CRB1: variants seen among roughly 807,000 people sequenced by gnomAD.
CRB1 encodes the protein crumbs cell polarity complex component 1.
A neutral mutation model predicts 120.0 loss-of-function variants in CRB1; 83 were observed. The ratio of observed to expected loss-of-function variants is 0.69; its 90% CI spans 0.58 to 0.83. CRB1 has a LOEUF of 0.83. Among genes scored for constraint, CRB1 ranks in the 40% least tolerant of loss-of-function variants. The pLI, the probability that CRB1 is intolerant of heterozygous loss-of-function variation, is 0.00. For synonymous variants in CRB1, 625 were observed against 612.5 expected, an observed-to-expected ratio of 1.02 and a Z score of -0.30; for missense variants, 1,699 against 1,687.6, an observed-to-expected ratio of 1.01 and a Z score of -0.12.
intron 11 of CRB1, among the ~76,000 whole-genome samples, chr1:197,453,850 T>C (rs1279464331): frequency 2.8e-5 from 4 of 142,186 alleles, no homozygotes; most frequent in East Asian, 4.0e-4. Context: ...TCAATATTAT[T>C]ATTAATATAT....
chr1:197,368,531 T>G (rs2125377562), intron 5 of CRB1, among the ~76,000 whole-genome samples: 1 of 152,326 alleles, frequency 6.6e-6, no homozygotes, highest in East Asian at 1.9e-4. Flanking sequence ...TGATTTTTGT[T>G]GATTGCTTAC....
chr1:197,376,195 GA>G (rs950415154), intron 5 of CRB1, among the ~76,000 whole-genome samples: 5 of 152,112 alleles, frequency 3.3e-5, no homozygotes, highest in Admixed American at 3.3e-4. Context: ...TCACCCCTTG[GA>G]AAATCTCATG....
chr1:197,344,740 T>C (rs1659672385), intron 3 of CRB1, among the ~76,000 whole-genome samples: 1 of 152,142 alleles, frequency 6.6e-6, no homozygotes, highest in Admixed American at 6.5e-5. Flanking sequence ...TTCAATTCCA[T>C]GAAATAAAGC....
chr1:197,289,560 G>A (rs1426547557), intron 1 of CRB1, among the ~76,000 whole-genome samples: 2 of 151,658 alleles, frequency 1.3e-5, no homozygotes, highest in Admixed American at 6.6e-5. Context: ...TCGTGGGTTT[G>A]GGGAAAATTT....
chr1:197,461,228 C>A (rs1019957863), intron 11 of CRB1, among the ~76,000 whole-genome samples: 1 of 152,156 alleles, frequency 6.6e-6, no homozygotes, highest in African/African-American at 2.4e-5. Flanking sequence ...TTGAGCTTCA[C>A]ATTCACATTG....
chr1:197,338,769 TTAAA>T (rs1444323565), intron 2 of CRB1, among the ~76,000 whole-genome samples: 7 of 152,176 alleles, frequency 4.6e-5, no homozygotes, highest in South Asian at 2.1e-4. Flanking sequence ...AATCAAATAG[TTAAA>T]TAAAATAATG....
chr1:197,429,002 C>T lies in CRB1; in HGVS notation c.2677-447C>T, dbSNP rs540816258. On this transcript the variant is annotated intron_variant, in intron 7 of 11. Transcript: ENST00000367400. Reference sequence around the variant, plus strand: ...CAGACCAATGTGGGAAGGGCACTCACTGAGTTGGGATCCAGAGGACCTAAG... The same window carrying T: ...CAGACCAATGTGGGAAGGGCACTCATTGAGTTGGGATCCAGAGGACCTAAG... 1.0e-5 allele frequency: 16 copies of T among 1,526,604 alleles called. No homozygotes were observed. In the African/African-American group the frequency reaches 2.1e-4, roughly 20 times the overall value. 94.6% of individuals were successfully genotyped at this position (1,526,604 alleles called of 1,614,324 possible).
At chr1:197,423,833 T>A (rs72740564) in intron 6 of CRB1, among the ~76,000 whole-genome samples, 1 of 152,214 alleles carries the variant, frequency 6.6e-6, no homozygotes, top group Admixed American at 6.5e-5. Context: ...TGATTTCCAA[T>A]GTATCAAGGT....
At chr1:197,307,360 A>G (rs1262399396) in intron 1 of CRB1, among the ~76,000 whole-genome samples, 1 of 152,220 alleles carries the variant, frequency 6.6e-6, no homozygotes, top group Non-Finnish European at 1.5e-5. Context: ...AAAGGGGTTT[A>G]CATATGAAAT....
chr1:197,462,907 C>A (rs1318330981), intron 11 of CRB1, among the ~76,000 whole-genome samples: 1 of 150,956 alleles, frequency 6.6e-6, no homozygotes, highest in Non-Finnish European at 1.5e-5. Flanking sequence ...TTTTCTTCAC[C>A]ATTAATATTT....
chr1:197,395,978 T>C (rs1662749446), intron 5 of CRB1, among the ~76,000 whole-genome samples: 1 of 152,150 alleles, frequency 6.6e-6, no homozygotes, highest in African/African-American at 2.4e-5. Flanking sequence ...TACATTGTAT[T>C]GGTGATCCTG....
chr1:197,472,592 G>T (rs1027510542), intron 11 of CRB1, among the ~76,000 whole-genome samples: 1 of 151,916 alleles, frequency 6.6e-6, no homozygotes, highest in Non-Finnish European at 1.5e-5. Context: ...TGCTGTCATC[G>T]GCCCTAAATA....
At position 197,478,230 on chromosome 1, in the gene CRB1, T is replaced by A. The variant is rs1667286080; in HGVS notation, c.*351T>A. 3.1e-6 allele frequency: 1 copy of A among 324,878 alleles called. No homozygotes were observed. Among genetic ancestry groups the A allele is most frequent in the Admixed American group, 4.6e-5 (1 of 21,590 alleles). The allele number at this position is 324,878 out of a possible 1,614,324, so 20.1% of individuals were successfully genotyped here. On this transcript the variant is annotated 3_prime_UTR_variant, in exon 12 of 12. Coordinates refer to ENST00000367400, the MANE Select transcript of CRB1 (RefSeq NM_201253.3). ...AATTTTAGTTTTCATTTTAGGTTTCTGTACTTTCTGTAGTTTCTGTGTAAA... is the reference window on the plus strand; with the variant it reads ...AATTTTAGTTTTCATTTTAGGTTTCAGTACTTTCTGTAGTTTCTGTGTAAA...
chr1:197,452,791 C>A (rs140325136), intron 11 of CRB1, among the ~76,000 whole-genome samples: 2 of 151,974 alleles, frequency 1.3e-5, no homozygotes, highest in African/African-American at 4.8e-5. Context: ...AATGGTTCAG[C>A]CACTATAAAA....
chr1:197,348,469 T>G (rs576981252), intron 4 of CRB1, among the ~76,000 whole-genome samples: 1 of 152,276 alleles, frequency 6.6e-6, no homozygotes, highest in East Asian at 1.9e-4. Context: ...AATTATTTAT[T>G]GTTTATTTAT....
chr1:197,475,711 A>AT (rs1056396664), intron 11 of CRB1, among the ~76,000 whole-genome samples: 12 of 152,034 alleles, frequency 7.9e-5, no homozygotes, highest in African/African-American at 2.7e-4. Flanking sequence ...ACTTTATAGT[A>AT]TTTTCTCTCA....
At position 197,347,360 on chromosome 1, in the gene CRB1, G is replaced by C. The variant is rs371751359; in HGVS notation, c.869G>C (p.Gly290Ala). The C allele has an allele frequency of 8.7e-6, 14 of 1,613,874 alleles. No individual in the cohort carries two copies. Among genetic ancestry groups the C allele is most frequent in the Non-Finnish European group, 1.2e-5 (14 of 1,179,788 alleles). ...GENRYSCNCTGSGFTGTHCET... is the reference protein window; with the variant it reads ...GENRYSCNCTASGFTGTHCET... ...TCCAGATATAGCTGTAACTGCACGG[G>C]TAGTGGATTCACAGGGACACACTGT... The change falls in exon 4 of 12, where the codon GGT becomes GCT. Residue 290 changes from glycine to alanine, a missense_variant. Physicochemically the swap from Gly to Ala is moderately conservative, Grantham distance 60. Transcript: ENST00000367400.
chr1:197,365,825 G>A (rs1045445317), intron 5 of CRB1, among the ~76,000 whole-genome samples: 5 of 151,954 alleles, frequency 3.3e-5, no homozygotes, highest in East Asian at 1.9e-4. Context: ...TATGCTGGAG[G>A]TTATAAAAAG....
intron 11 of CRB1, among the ~76,000 whole-genome samples, chr1:197,458,885 C>A (rs1438386603): frequency 5.3e-5 from 8 of 152,048 alleles, no homozygotes. Context: ...TGAGTAAAAG[C>A]ACAGTATAAA....
Sources: gnomAD v4.1 joint callset for allele counts (sites outside exome capture counted in the v4.1 genomes callset) on GRCh38, gnomAD v4.1.1 for gene constraint, MANE v1.5 for transcripts, NCBI Gene and HGNC (gene_info 2026-07-23, HGNC 2026-07-21) for gene names.